The following STIL variants were observed in gnomAD, a reference collection of about 807,000 sequenced individuals.
The protein encoded by STIL is STIL centriolar assembly protein.
STIL carries 55 observed loss-of-function variants against 110.1 expected under a neutral mutation model. The observed-to-expected ratio is 0.50, with a 90% CI of 0.40 to 0.63. STIL has a LOEUF of 0.63. STIL is among the 20% of genes least tolerant of loss of function. The pLI is 0.00. For missense variants in STIL, 1,358 were observed against 1,530.0 expected, an observed-to-expected ratio of 0.89 and a Z score of 1.87; for synonymous variants, 481 against 530.0, an observed-to-expected ratio of 0.91 and a Z score of 1.27.
chr1:47,313,737 A>C (rs927276704), intron 1 of STIL, among the ~76,000 whole-genome samples: 1 of 152,226 alleles, frequency 6.6e-6, no homozygotes, highest in Non-Finnish European at 1.5e-5. Flanking sequence ...GTGAGCCAGA[A>C]ATTGTGAGGA....
chr1:47,288,224 A>C (rs1645363170), intron 9 of STIL, among the ~76,000 whole-genome samples: 1 of 151,908 alleles, frequency 6.6e-6, no homozygotes, highest in African/African-American at 2.4e-5. Flanking sequence ...TGAGACCTAA[A>C]ATAACCAATA....
intron 7 of STIL, among the ~76,000 whole-genome samples, chr1:47,294,790 G>A (rs1309931671): frequency 6.6e-6 from 1 of 152,234 alleles, no homozygotes; most frequent in Non-Finnish European, 1.5e-5. Flanking sequence ...AAGATTGACT[G>A]ACAGTGGATT....
chr1:47,292,271 T>C (rs1360274661), intron 8 of STIL, among the ~76,000 whole-genome samples: 1 of 152,154 alleles, frequency 6.6e-6, no homozygotes, highest in Non-Finnish European at 1.5e-5. Context: ...TTCACAGTGT[T>C]AGTGCAGGTA....
chr1:47,260,654 C>T (rs1644459442), intron 15 of STIL, 115 bp from the exon 16 acceptor site: 7 of 1,143,734 alleles, frequency 6.1e-6, no homozygotes, highest in Admixed American at 2.0e-5. Flanking sequence ...AGGAAGATCG[C>T]TTGAGCCCAG....
At chr1:47,262,610 G>A (rs886152881) in intron 15 of STIL, among the ~76,000 whole-genome samples, 4 of 152,010 alleles carry the variant, frequency 2.6e-5, no homozygotes, top group African/African-American at 7.2e-5. Context: ...TCAAATTTCC[G>A]AGAAACTCTT....
At chr1:47,274,803 C>A (rs908411987) in intron 12 of STIL, among the ~76,000 whole-genome samples, 11 of 139,136 alleles carry the variant, frequency 7.9e-5, no homozygotes, top group Admixed American at 2.1e-4. Context: ...ATATGTGGAG[C>A]AGACTATAGT....
chr1:47,291,198 G>GA (rs1286600400), intron 8 of STIL, among the ~76,000 whole-genome samples: 1 of 151,738 alleles, frequency 6.6e-6, no homozygotes, highest in African/African-American at 2.4e-5. Flanking sequence ...TGTCTCTACT[G>GA]AAAAAATACA....
At chr1:47,300,877 T>C (rs1645784716) in intron 5 of STIL, among the ~76,000 whole-genome samples, 1 of 152,218 alleles carries the variant, frequency 6.6e-6, no homozygotes, top group Non-Finnish European at 1.5e-5. Flanking sequence ...CCATGCCCAC[T>C]GTGTCCTTCC....
At chr1:47,270,235 A>ATATAT (rs1553172305) in intron 13 of STIL, among the ~76,000 whole-genome samples, 16 of 102,404 alleles carry the variant, frequency 1.6e-4, no homozygotes, top group African/African-American at 6.0e-4. Context: ...CTCAAAAAAA[A>ATATAT]AAAAAAATAT....
At position 47,260,496 on chromosome 1, in the gene STIL, T is replaced by C. The variant is rs772094091; in HGVS notation, c.2873A>G (p.Glu958Gly). Residue 958 changes from glutamate (E) to glycine (G), a missense_variant, in exon 16 of 17, where the codon GAG becomes GGG. Physicochemically the swap from Glu to Gly is moderately conservative, Grantham distance 98. Transcript: ENST00000371877. Reference protein sequence around the residue: ...HLLNSSSKETEQPSTKAVIIS... With the variant: ...HLLNSSSKETGQPSTKAVIIS... ...AATTACTGCTTTGGTAGACGGCTGC[T>C]CAGTTTCCTTGGAGGAACTATTTAA... 3.7e-6 allele frequency: 6 copies of C among 1,614,114 alleles called. No individual in the cohort carries two copies. The East Asian group carries it at 1.1e-4, about 30-fold the overall frequency.
intron 10 of STIL, chr1:47,282,696 T>C (rs1309462237): frequency 2.2e-6 from 1 of 454,116 alleles, no homozygotes; most frequent in Non-Finnish European, 4.0e-6. Flanking sequence ...AACCTTGTAT[T>C]GTTAATGTCA....
At position 47,280,481 on chromosome 1, in the gene STIL, T is replaced by C. The variant is rs1305633499; in HGVS notation, c.1977A>G (p.Ser659=). Residue 659 remains serine, a synonymous_variant, in exon 12 of 17, where the codon TCA becomes TCG. Transcript: ENST00000371877. ...PALYCNAFCS[S]SSPIALRPQG... Reference sequence around the variant, plus strand: ...GAGGTCTCAAGGCTATAGGACTACTTGAAGAACAGAATGCATTACAGTACA... The same window carrying C: ...GAGGTCTCAAGGCTATAGGACTACTCGAAGAACAGAATGCATTACAGTACA... 2 of 1,614,130 alleles carry C rather than the reference T, an allele frequency of 1.2e-6. No homozygotes were observed. Among genetic ancestry groups the C allele is most frequent in the African/African-American group, 2.7e-5 (2 of 74,958 alleles).
In STIL at chr1:47,260,490, G is replaced by A. The variant is rs1336221932; in HGVS notation, c.2879C>T (p.Pro960Leu). 1.2e-6 allele frequency: 2 copies of A among 1,614,118 alleles called. No homozygotes were observed. The highest frequency in any genetic ancestry group is 1.7e-6 in the Non-Finnish European group (2 of 1,180,024). ...LNSSSKETEQ[P>L]STKAVIISHE... ...ACTGATAATTACTGCTTTGGTAGAC[G>A]GCTGCTCAGTTTCCTTGGAGGAACT... is the stretch of plus-strand genomic sequence containing the variant. Residue 960 changes from proline to leucine, a missense_variant, in exon 16 of 17, where the codon CCG (proline) becomes CTG (leucine). Physicochemically the swap from Pro to Leu is moderately conservative, Grantham distance 98 (BLOSUM62 -3). Transcript: ENST00000371877.
chr1:47,254,138 G>A (rs1381402728), intron 16 of STIL, among the ~76,000 whole-genome samples: 8 of 122,616 alleles, frequency 6.5e-5, no homozygotes, highest in East Asian at 5.4e-4. Context: ...CCGAGATTGC[G>A]TCACTGCATT....
chr1:47,260,358 C>G lies in STIL; in HGVS notation c.3011G>C (p.Arg1004Thr), dbSNP rs1400976693. The change falls in exon 16 of 17, where the codon AGA becomes ACA. Residue 1004 changes from arginine (R) to threonine (T), a missense_variant. Physicochemically the swap from Arg to Thr is moderately conservative, Grantham distance 71. Transcript: ENST00000371877. Reference sequence around the variant, plus strand: ...AGAATCAATTTTTACTCCAAGGCTTCTTAGTTGCTTAAGAGTTGCATTAAG... The same window carrying G: ...AGAATCAATTTTTACTCCAAGGCTTGTTAGTTGCTTAAGAGTTGCATTAAG... ...CVLNATLKQL[R>T]SLGVKIDSPT... is the part of the protein sequence containing the mutation. 6.2e-7 allele frequency: 1 copy of G among 1,614,020 alleles called. No individual in the cohort carries two copies. The highest frequency in any genetic ancestry group is 8.5e-7 in the Non-Finnish European group (1 of 1,180,014).
rs531394720 is a variant in STIL at position 47,312,596 on chromosome 1, A to G, written c.-44+1440T>C. On this transcript the variant is annotated intron_variant, in intron 1 of 16. Coordinates refer to ENST00000371877, the MANE Select transcript of STIL (RefSeq NM_001048166.1). ...GTCATGGATAACAGTATTCACATGGATAACTGTAACTCTACAAAGTATAAA... is the reference window on the plus strand; with the variant it reads ...GTCATGGATAACAGTATTCACATGGGTAACTGTAACTCTACAAAGTATAAA... Among the ~76,000 whole-genome samples the G allele has an allele frequency of 5.3e-5, 8 of 152,364 alleles. No individual in the cohort carries two copies. In the South Asian group the frequency reaches 1.7e-3, roughly 32 times the overall value.
chr1:47,290,000 A>G (rs1329916765), intron 8 of STIL, among the ~76,000 whole-genome samples: 3 of 152,034 alleles, frequency 2.0e-5, no homozygotes, highest in Non-Finnish European at 2.9e-5. Context: ...CTGAGGATTT[A>G]CTGTCAATAT....
At chr1:47,312,080 T>C (rs1037646559) in intron 1 of STIL, among the ~76,000 whole-genome samples, 1 of 151,920 alleles carries the variant, frequency 6.6e-6, no homozygotes, top group Non-Finnish European at 1.5e-5. Context: ...AGAAAAGGAT[T>C]ATTAATCCAG....
chr1:47,291,328 T>C (rs989722636), intron 8 of STIL, among the ~76,000 whole-genome samples: 1 of 151,748 alleles, frequency 6.6e-6, no homozygotes, highest in Non-Finnish European at 1.5e-5. Context: ...GCCATTGCAC[T>C]CCAGCCTGGG....
Sources: gnomAD v4.1 joint callset for allele counts (sites outside exome capture counted in the v4.1 genomes callset) on GRCh38, gnomAD v4.1.1 for gene constraint, MANE v1.5 for transcripts, NCBI Gene and HGNC (gene_info 2026-07-23, HGNC 2026-07-21) for gene names.